VCX3A: variants seen among roughly 807,000 people sequenced by gnomAD.
The protein encoded by VCX3A is variable charge X-linked protein 3.
For missense variants in VCX3A, 37 were observed against 151.4 expected, an observed-to-expected ratio of 0.24 and a Z score of 3.97; for synonymous variants, 6 against 69.9, an observed-to-expected ratio of 0.09 and a Z score of 4.56.
rs183632328 is a variant in VCX3A, at chrX:6,533,721, G to T, written c.*24C>A. 1 of 1,141,990 alleles carries T rather than the reference G, an allele frequency of 8.8e-7. No homozygotes were observed. The highest frequency in any genetic ancestry group is 3.0e-5 in the East Asian group (1 of 33,044). The allele number at this position is 1,141,990 out of a possible 1,213,427, so 94.1% of individuals were successfully genotyped here. On this transcript the variant is annotated 3_prime_UTR_variant, in exon 3 of 3. Coordinates refer to ENST00000381089, the MANE Select transcript of VCX3A (RefSeq NM_016379.4). ...GGGCCTGAACTTAGTCGCTGCTCTCGGAGATAGGGGAGTAGCTGGCCGTCT... is the reference window on the plus strand; with the variant it reads ...GGGCCTGAACTTAGTCGCTGCTCTCTGAGATAGGGGAGTAGCTGGCCGTCT...
rs772524278 is a variant in VCX3A, at chrX:6,533,814, C to T, written c.492G>A (p.Leu164=). 4 of 1,129,777 alleles carry T rather than the reference C, an allele frequency of 3.5e-6. No homozygotes were observed. Among genetic ancestry groups the T allele is most frequent in the Non-Finnish European group, 4.7e-6 (4 of 846,016 alleles). The allele number at this position is 1,129,777 out of a possible 1,213,427, so 93.1% of individuals were successfully genotyped here. Residue 164 remains leucine (L), a synonymous_variant, in exon 3 of 3, where the codon CTG becomes CTA. Transcript: ENST00000381089. ...GTTCCTCCACCTGGCTCTCCTGACT[C>T]AGTGGTTCCTCCACCTCGCTCTCCT... The part of the protein sequence containing the change: ...LSQESEVEEP[L]SQESQVEEPL...
chrX:6,534,717 G>A lies in VCX3A; in HGVS notation c.-146-74C>T, dbSNP rs1366235666. On this transcript the variant is annotated intron_variant, in intron 1 of 2. Coordinates refer to ENST00000381089, the MANE Select transcript of VCX3A (RefSeq NM_016379.4). ...GGCGGATGAAGTCGGGGGCGGGGGGGGGTGACATCTAATGAGGAAGGCAGG... is the reference window on the plus strand; with the variant it reads ...GGCGGATGAAGTCGGGGGCGGGGGGAGGTGACATCTAATGAGGAAGGCAGG... 1.7e-4 allele frequency: 53 copies of A among 316,776 alleles called. 2 individuals are homozygous for A. The highest frequency in any genetic ancestry group is 1.1e-3 in the East Asian group (16 of 14,524). 26.1% of individuals were successfully genotyped at this position (316,776 alleles called of 1,213,427 possible). A position where few individuals can be genotyped will look rare whatever the true frequency, so the allele number is the denominator to read the frequency against.
At chrX:6,534,700 A>G (rs1194174673) in intron 1 of VCX3A, 57 bp from the exon 2 acceptor site, 6 of 307,547 alleles carry the variant, frequency 2.0e-5, no homozygotes, top group Non-Finnish European at 3.2e-5. Flanking sequence ...ATGGCGGATG[A>G]AGTCGGGGGC....
rs1187837761 is a variant in VCX3A, at chrX:6,533,991, A to C, written c.315T>G (p.Ser105Arg). The C allele has an allele frequency of 2.5e-6, 3 of 1,190,714 alleles. No individual in the cohort carries two copies. Among genetic ancestry groups the C allele is most frequent in the Non-Finnish European group, 3.4e-6 (3 of 884,789 alleles). ...GTGGTTCCTCCAGCTCGCTCTCCTG[A>C]CTCAGGGGGTCGTGCTGGGTCCCCT... ...VSEGTQHDPL[S>R]QESELEEPLS... The change falls in exon 3 of 3, where the codon AGT (serine) becomes AGG (arginine). Residue 105 changes from serine (S) to arginine (R), a missense_variant. Ser to Arg is a moderately radical substitution (Grantham distance 110). Coordinates refer to ENST00000381089, the MANE Select transcript of VCX3A (RefSeq NM_016379.4).
chrX:6,533,968 G>A lies in VCX3A; in HGVS notation c.338C>T (p.Pro113Leu). ...PLSQESELEE[P>L]LSQESEVEEP... Reference sequence around the variant, plus strand: ...TTCCACCTCGCTCTCCTGACTCAGTGGTTCCTCCAGCTCGCTCTCCTGACT... The same window carrying A: ...TTCCACCTCGCTCTCCTGACTCAGTAGTTCCTCCAGCTCGCTCTCCTGACT... Residue 113 changes from proline (P) to leucine (L), a missense_variant, in exon 3 of 3, where the codon CCA becomes CTA. Physicochemically the swap from Pro to Leu is moderately conservative, Grantham distance 98. Transcript: ENST00000381089. 1.7e-6 allele frequency: 2 copies of A among 1,192,639 alleles called. No individual in the cohort carries two copies. The highest frequency in any genetic ancestry group is 2.3e-6 in the Non-Finnish European group (2 of 886,658).
intron 1 of VCX3A, 36 bp downstream of exon 1, chrX:6,534,922 C>T (rs1215245734): frequency 6.2e-6 from 1 of 162,266 alleles, no homozygotes; most frequent in Non-Finnish European, 1.1e-5. Flanking sequence ...TGTTCCTCCA[C>T]ACCTGCCATC....
chrX:6,533,752 C>T lies in VCX3A; in HGVS notation c.554G>A (p.Ser185Asn). 1 of 1,202,663 alleles carries T rather than the reference C, an allele frequency of 8.3e-7. No individual in the cohort carries two copies. Among genetic ancestry groups the T allele is most frequent in the East Asian group, 3.0e-5 (1 of 33,761 alleles). ...AGGGGAGTAGCTGGCCGTCTACACA[C>T]TCGGTAGTTCTTCCATCTCGCTCTC... ...SQESEMEELP[S>N]V Residue 185 changes from serine (S) to asparagine (N), a missense_variant, in exon 3 of 3, where the codon AGT (serine) becomes AAT (asparagine). Coordinates refer to ENST00000381089, the MANE Select transcript of VCX3A (RefSeq NM_016379.4).
At position 6,533,705 on chromosome X, in the gene VCX3A, C is replaced by G. The variant is rs1340020676; in HGVS notation, c.*40G>C. On this transcript the variant is annotated 3_prime_UTR_variant, in exon 3 of 3. Transcript: ENST00000381089. ...CTGAGGTCTGGCGGCTGGGCCTGAACTTAGTCGCTGCTCTCGGAGATAGGG... is the reference window on the plus strand; with the variant it reads ...CTGAGGTCTGGCGGCTGGGCCTGAAGTTAGTCGCTGCTCTCGGAGATAGGG... 9 of 1,185,343 alleles carry G rather than the reference C, an allele frequency of 7.6e-6. No individual in the cohort carries two copies. Among genetic ancestry groups the G allele is most frequent in the East Asian group, 3.0e-5 (1 of 33,727 alleles).
At position 6,533,688 on chromosome X, in the gene VCX3A, T is replaced by A. The variant is rs777922874; in HGVS notation, c.*57A>T. On this transcript the variant is annotated 3_prime_UTR_variant, in exon 3 of 3. Transcript: ENST00000381089. ...CCCCGCTGGTGAGATCTCTGAGGTC[T>A]GGCGGCTGGGCCTGAACTTAGTCGC... 7 of 1,183,218 alleles carry A rather than the reference T, an allele frequency of 5.9e-6. No homozygotes were observed. The highest frequency in any genetic ancestry group is 8.0e-6 in the Non-Finnish European group (7 of 879,920).
In VCX3A at chrX:6,534,150, C is replaced by G. The variant is rs1921788276; in HGVS notation, c.156G>C (p.Lys52Asn). 1 of 861,161 alleles carries G rather than the reference C, an allele frequency of 1.2e-6. No individual in the cohort carries two copies. Among genetic ancestry groups the G allele is most frequent in the Non-Finnish European group, 1.6e-6 (1 of 614,489 alleles). 71.0% of individuals were successfully genotyped at this position (861,161 alleles called of 1,213,427 possible). The change falls in exon 3 of 3, where the codon AAG becomes AAC. Residue 52 changes from lysine to asparagine, a missense_variant. Coordinates refer to ENST00000381089, the MANE Select transcript of VCX3A (RefSeq NM_016379.4). ...GKAVRRGRRG[K>N]KGAATKMAAV... ...CCGCCATCTTTGTCGCAGCCCCTTT[C>G]TTCCCGCGTCTCCCTCTACGAACTG...
At position 6,533,720 on chromosome X, in the gene VCX3A, C is replaced by A. The variant is rs1058245; in HGVS notation, c.*25G>T. The A allele has an allele frequency of 7.9e-5, 93 of 1,179,040 alleles. No homozygotes were observed. Among genetic ancestry groups the A allele is most frequent in the Non-Finnish European group, 1.0e-4 (89 of 877,340 alleles). On this transcript the variant is annotated 3_prime_UTR_variant, in exon 3 of 3. Transcript: ENST00000381089. ...TGGGCCTGAACTTAGTCGCTGCTCT[C>A]GGAGATAGGGGAGTAGCTGGCCGTC...
Position 6,533,815 on chromosome X carries a change from AGTGGTTCCTCCACCTCG to A in VCX3A, c.474_490del (p.Val160SerfsTer?), listed in dbSNP as rs778520802. On this transcript the variant is annotated frameshift_variant, in exon 3 of 3. Coordinates refer to ENST00000381089, the MANE Select transcript of VCX3A (RefSeq NM_016379.4). LOFTEE classifies it high-confidence loss of function. ...TTCCTCCACCTGGCTCTCCTGACTC[AGTGGTTCCTCCACCTCG>A]CTCTCCTGACTCAGTGGTTCCTCCA... 1.0e-6 allele frequency: 1 copy of A among 961,949 alleles called. No individual in the cohort carries two copies. Among genetic ancestry groups the A allele is most frequent in the Non-Finnish European group, 1.4e-6 (1 of 734,140 alleles). The allele number at this position is 961,949 out of a possible 1,213,427, so 79.3% of individuals were successfully genotyped here. A position where few individuals can be genotyped will look rare whatever the true frequency, so the allele number is the denominator to read the frequency against.
Position 6,535,050 on chromosome X carries a change from A to C in VCX3A, c.-239T>G, listed in dbSNP as rs1921833605. 8.2e-6 allele frequency: 1 copy of C among 122,032 alleles called. No homozygotes were observed. The highest frequency in any genetic ancestry group is 1.7e-5 in the Non-Finnish European group (1 of 59,577). 10.1% of individuals were successfully genotyped at this position (122,032 alleles called of 1,213,427 possible). Reference sequence around the variant, plus strand: ...CTACAGATTCCTCTGCTACACCTTGAGGATCATTCACTTCTTGGATGCCAT... The same window carrying C: ...CTACAGATTCCTCTGCTACACCTTGCGGATCATTCACTTCTTGGATGCCAT... On this transcript the variant is annotated 5_prime_UTR_variant, in exon 1 of 3. Coordinates refer to ENST00000381089, the MANE Select transcript of VCX3A (RefSeq NM_016379.4).
chrX:6,534,684 C>T, intron 1 of VCX3A, 41 bp from the exon 2 acceptor site: 1 of 470,558 alleles, frequency 2.1e-6, no homozygotes, highest in Non-Finnish European at 3.3e-6. Flanking sequence ...AACGCACCAT[C>T]AGGACATGGC....
In VCX3A at chrX:6,533,667, G is replaced by A. The variant is rs778177346; in HGVS notation, c.*78C>T. On this transcript the variant is annotated 3_prime_UTR_variant, in exon 3 of 3. Coordinates refer to ENST00000381089, the MANE Select transcript of VCX3A (RefSeq NM_016379.4). ...TTATCTTCAGAATGGCAAGCACCCC[G>A]CTGGTGAGATCTCTGAGGTCTGGCG... is the stretch of plus-strand genomic sequence containing the variant. 15 of 1,159,317 alleles carry A rather than the reference G, an allele frequency of 1.3e-5. No individual in the cohort carries two copies. Among genetic ancestry groups the A allele is most frequent in the Admixed American group, 2.3e-5 (1 of 42,849 alleles).
Position 6,533,823 on chromosome X carries a change from C to G in VCX3A, c.483G>C (p.Glu161Asp). 3.3e-6 allele frequency: 2 copies of G among 604,003 alleles called. No individual in the cohort carries two copies. 49.8% of individuals were successfully genotyped at this position (604,003 alleles called of 1,213,427 possible). A position where few individuals can be genotyped will look rare whatever the true frequency, so the allele number is the denominator to read the frequency against. ...EEPLSQESEV[E>D]EPLSQESQVE... is the part of the protein sequence containing the mutation. ...CCTGGCTCTCCTGACTCAGTGGTTCCTCCACCTCGCTCTCCTGACTCAGTG... is the reference window on the plus strand; with the variant it reads ...CCTGGCTCTCCTGACTCAGTGGTTCGTCCACCTCGCTCTCCTGACTCAGTG... Residue 161 changes from glutamate (E) to aspartate (D), a missense_variant, in exon 3 of 3, where the codon GAG becomes GAC. Glu to Asp is a conservative substitution (Grantham distance 45, BLOSUM62 2). Transcript: ENST00000381089.
chrX:6,533,707 T>C lies in VCX3A; in HGVS notation c.*38A>G, dbSNP rs1430828139. Reference sequence around the variant, plus strand: ...GAGGTCTGGCGGCTGGGCCTGAACTTAGTCGCTGCTCTCGGAGATAGGGGA... The same window carrying C: ...GAGGTCTGGCGGCTGGGCCTGAACTCAGTCGCTGCTCTCGGAGATAGGGGA... On this transcript the variant is annotated 3_prime_UTR_variant, in exon 3 of 3. Coordinates refer to ENST00000381089, the MANE Select transcript of VCX3A (RefSeq NM_016379.4). 10 of 1,185,186 alleles carry C rather than the reference T, an allele frequency of 8.4e-6. No homozygotes were observed. The highest frequency in any genetic ancestry group is 1.1e-5 in the Non-Finnish European group (10 of 879,873).
In VCX3A at chrX:6,533,662, A is replaced by G. The variant is rs1311358847; in HGVS notation, c.*83T>C. On this transcript the variant is annotated 3_prime_UTR_variant, in exon 3 of 3. Transcript: ENST00000381089. ...TTTTATTATCTTCAGAATGGCAAGC[A>G]CCCCGCTGGTGAGATCTCTGAGGTC... 1 of 1,153,437 alleles carries G rather than the reference A, an allele frequency of 8.7e-7. No individual in the cohort carries two copies. Among genetic ancestry groups the G allele is most frequent in the Non-Finnish European group, 1.2e-6 (1 of 860,992 alleles).
rs1921731987 is a variant in VCX3A, at chrX:6,533,686, T to C, written c.*59A>G. 1 of 1,176,031 alleles carries C rather than the reference T, an allele frequency of 8.5e-7. No individual in the cohort carries two copies. The highest frequency in any genetic ancestry group is 2.0e-5 in the African/African-American group (1 of 49,692). On this transcript the variant is annotated 3_prime_UTR_variant, in exon 3 of 3. Transcript: ENST00000381089. ...CACCCCGCTGGTGAGATCTCTGAGG[T>C]CTGGCGGCTGGGCCTGAACTTAGTC...
Sources: allele counts gnomAD v4.1 joint callset, GRCh38; gene constraint gnomAD v4.1.1; transcripts MANE v1.5; gene names NCBI Gene and HGNC (gene_info 2026-07-23, HGNC 2026-07-21).